CRIPTO: variants seen among roughly 807,000 people sequenced by gnomAD.
CRIPTO encodes the protein protein Cripto.
chr3:46,577,950 C>T, the CRIPTO span: 43 of 1,613,606 alleles, frequency 2.7e-5, no homozygotes, highest in Middle Eastern at 3.3e-4. Context: ...CGCCTCTTTT[C>T]CCCCTAATTG....
At chr3:46,579,458 G>T in the CRIPTO span, 1 of 1,603,684 alleles carries the variant, frequency 6.2e-7, no homozygotes, top group South Asian at 1.1e-5. Context: ...AAGGGCACCT[G>T]GTTCTGGAAC....
the CRIPTO span, chr3:46,579,616 T>C: frequency 2.7e-5 from 34 of 1,272,042 alleles, no homozygotes; most frequent in Non-Finnish European, 3.7e-5. Context: ...ATGACTTCTC[T>C]GCTCAAAGGC....
chr3:46,578,305 C>A, the CRIPTO span, among the ~76,000 whole-genome samples: 1 of 149,664 alleles, frequency 6.7e-6, no homozygotes, highest in Non-Finnish European at 1.5e-5. Flanking sequence ...AATTTAAAAT[C>A]TTCCGAAAAG....
At chr3:46,577,741 C>T in the CRIPTO span, 1 of 585,880 alleles carries the variant, frequency 1.7e-6, no homozygotes, top group South Asian at 2.0e-5. Flanking sequence ...CCCGGAAAGG[C>T]TGAGTCTCCA....
the CRIPTO span, among the ~76,000 whole-genome samples, chr3:46,580,556 C>A: frequency 7.0e-6 from 1 of 141,928 alleles, no homozygotes; most frequent in East Asian, 2.7e-4. Flanking sequence ...GGTCACAGAA[C>A]CCTTACCATG....
chr3:46,579,556 G>T, the CRIPTO span: 1 of 1,211,596 alleles, frequency 8.3e-7, no homozygotes, highest in Non-Finnish European at 1.2e-6. Context: ...CCTCCCCTGA[G>T]TCCACTTCAC....
chr3:46,579,391 T>C, the CRIPTO span: 1 of 1,614,038 alleles, frequency 6.2e-7, no homozygotes, highest in East Asian at 2.2e-5. Context: ...ACTTCGATGC[T>C]TCTGCCCTGG....
At chr3:46,579,646 C>G in the CRIPTO span, 1 of 1,362,368 alleles carries the variant, frequency 7.3e-7, no homozygotes, top group South Asian at 1.2e-5. Flanking sequence ...TACTCTGATA[C>G]AACACATTGG....
chr3:46,578,053 C>G, the CRIPTO span: 1 of 1,594,142 alleles, frequency 6.3e-7, no homozygotes, highest in Non-Finnish European at 8.6e-7. Flanking sequence ...TAGAGATTGC[C>G]AGCTTAGGAA....
At chr3:46,580,696 G>C in the CRIPTO span, among the ~76,000 whole-genome samples, 1 of 152,186 alleles carries the variant, frequency 6.6e-6, no homozygotes, top group Admixed American at 6.5e-5. Flanking sequence ...CAGGTTTCTA[G>C]GGCCCCCCAA....
chr3:46,578,612 G>A, the CRIPTO span, among the ~76,000 whole-genome samples: 2 of 152,102 alleles, frequency 1.3e-5, no homozygotes, highest in Admixed American at 1.3e-4. Context: ...TGGAGGCTGA[G>A]GCAGGAGAAT....
the CRIPTO span, chr3:46,581,506 GTTTC>G: frequency 1.8e-6 from 1 of 560,806 alleles, no homozygotes; most frequent in Non-Finnish European, 3.1e-6. Flanking sequence ...TAAGTCCAGT[GTTTC>G]TTTTTTTTTT....
chr3:46,578,116 G>A, the CRIPTO span: 1 of 1,159,100 alleles, frequency 8.6e-7, no homozygotes, highest in Non-Finnish European at 1.3e-6. Flanking sequence ...CCTTAAAAGA[G>A]CTGCCAACCG....
the CRIPTO span, chr3:46,579,133 T>A: frequency 6.2e-7 from 1 of 1,614,232 alleles, no homozygotes; most frequent in Admixed American, 1.7e-5. Context: ...GTCTTTGAAC[T>A]GGGATTAGTT....
At chr3:46,575,355 C>T in the CRIPTO span, among the ~76,000 whole-genome samples, 27 of 152,290 alleles carry the variant, frequency 1.8e-4, no homozygotes, top group African/African-American at 5.1e-4. Flanking sequence ...TCCAGCCCAA[C>T]GGCAAATATC....
At chr3:46,576,249 C>G in the CRIPTO span, among the ~76,000 whole-genome samples, 1 of 152,038 alleles carries the variant, frequency 6.6e-6, no homozygotes, top group African/African-American at 2.4e-5. Context: ...GCGGGTGGAT[C>G]ATGAGGTCAG....
the CRIPTO span, among the ~76,000 whole-genome samples, chr3:46,575,416 C>A: frequency 6.6e-6 from 1 of 152,186 alleles, no homozygotes; most frequent in Non-Finnish European, 1.5e-5. Flanking sequence ...CCCCACCCCC[C>A]ATCCCAAAAC....
the CRIPTO span, chr3:46,579,967 C>G: frequency 3.1e-6 from 5 of 1,614,214 alleles, no homozygotes; most frequent in African/African-American, 5.3e-5. Flanking sequence ...TGGGTCTGTG[C>G]CCCATGACAC....
chr3:46,575,468 C>G, the CRIPTO span, among the ~76,000 whole-genome samples: 6 of 152,144 alleles, frequency 3.9e-5, no homozygotes, highest in Non-Finnish European at 7.4e-5. Context: ...TTGGCTTCCT[C>G]TGCAGTCAGT....
Sources: gnomAD v4.1 joint callset for allele counts (sites outside exome capture counted in the v4.1 genomes callset) on GRCh38, gnomAD v4.1.1 for gene constraint, MANE v1.5 for transcripts, NCBI Gene and HGNC (gene_info 2026-07-23, HGNC 2026-07-21) for gene names.